CTNNBL1: variants seen among roughly 807,000 people sequenced by gnomAD.
CTNNBL1 encodes the protein catenin beta like 1, also known as beta-catenin-like protein 1.
CTNNBL1 carries 31 observed loss-of-function variants against 72.7 expected under a neutral mutation model. The observed-to-expected ratio is 0.43, with a 90% CI of 0.32 to 0.58. The LOEUF (loss-of-function observed/expected upper bound fraction) is 0.58, where lower values mean the gene tolerates loss of function less well. CTNNBL1 is among the 20% of genes least tolerant of loss of function. CTNNBL1 has a pLI of 0.08. For synonymous variants in CTNNBL1, 240 were observed against 267.3 expected, an observed-to-expected ratio of 0.90 and a Z score of 1.00; for missense variants, 534 against 725.1, an observed-to-expected ratio of 0.74 and a Z score of 3.03.
chr20:37,840,191 A>G lies in CTNNBL1; in HGVS notation c.1303A>G (p.Ser435Gly). Residue 435 changes from serine (S) to glycine (G), a missense_variant, in exon 12 of 16, where the codon AGT becomes GGT. Ser to Gly is a moderately conservative substitution (Grantham distance 56, BLOSUM62 0). Coordinates refer to ENST00000361383, the MANE Select transcript of CTNNBL1 (RefSeq NM_030877.5). The part of the protein sequence containing the change: ...RLLNKFTEND[S>G]EKVDRLMELH... ...TCTGAATAAATTCACTGAAAATGACAGTGAGAAGGTGGGTGACTGTTGGAC... is the reference window on the plus strand; with the variant it reads ...TCTGAATAAATTCACTGAAAATGACGGTGAGAAGGTGGGTGACTGTTGGAC... The G allele has an allele frequency of 6.2e-7, 1 of 1,611,532 alleles. No individual in the cohort carries two copies. The highest frequency in any genetic ancestry group is 8.5e-7 in the Non-Finnish European group (1 of 1,178,036).
intron 4 of CTNNBL1, chr20:37,751,033 T>C (rs926235898): frequency 3.9e-5 from 6 of 151,998 alleles, no homozygotes; most frequent in Non-Finnish European, 7.4e-5. Context: ...ATTTTTGTAG[T>C]CTCTCCCTTT....
In CTNNBL1 at chr20:37,863,992, GC is replaced by G. The variant is rs1393197639; in HGVS notation, c.1603+3650del. ...AAGCCAGTCTGCAGCAGGGTGTGGA[GC>G]CTGTGCAGTGTGGCCTGCCTCTGGG... On this transcript the variant is annotated intron_variant, in intron 15 of 15. Coordinates refer to ENST00000361383, the MANE Select transcript of CTNNBL1 (RefSeq NM_030877.5). 1.4e-4 allele frequency among the ~76,000 whole-genome samples: 22 copies of G among 152,292 alleles called. 1 individual carries two copies. Among genetic ancestry groups the G allele is most frequent in the Non-Finnish European group, 3.2e-4 (22 of 68,016 alleles).
chr20:37,789,983 G>C (rs1207114501), intron 10 of CTNNBL1, among the ~76,000 whole-genome samples: 1 of 152,176 alleles, frequency 6.6e-6, no homozygotes, highest in Admixed American at 6.5e-5. Context: ...GTTATTAACT[G>C]TAAAGGCAAA....
At chr20:37,756,745 C>G (rs1297038363) in intron 4 of CTNNBL1, among the ~76,000 whole-genome samples, 1 of 151,242 alleles carries the variant, frequency 6.6e-6, no homozygotes, top group Non-Finnish European at 1.5e-5. Context: ...TCAAGCAAGC[C>G]TCCCACCTTA....
At position 37,694,134 on chromosome 20, in the gene CTNNBL1, C is replaced by T; in HGVS notation, c.12C>T (p.Gly4=). Residue 4 remains glycine (G), a synonymous_variant, in exon 1 of 16, where the codon GGC becomes GGT. Transcript: ENST00000361383. ...CTGGGCCGGGTACCATGGACGTGGG[C>T]GAACTTCTGAGCTACCAGGTATGAG... MDV[G]ELLSYQPNRG... is the part of the protein sequence containing the mutation. The T allele has an allele frequency of 2.5e-6, 4 of 1,602,142 alleles. No individual in the cohort carries two copies. The highest frequency in any genetic ancestry group is 2.3e-5 in the East Asian group (1 of 43,048).
Position 37,748,502 on chromosome 20 carries a change from C to CTAGG in CTNNBL1, c.466+1896_466+1899dup, listed in dbSNP as rs1246902690. 3.3e-5 allele frequency among the ~76,000 whole-genome samples: 5 copies of CTAGG among 152,288 alleles called. No homozygotes were observed. The Middle Eastern group carries it at 0.014, about 414-fold the overall frequency. On this transcript the variant is annotated intron_variant, in intron 4 of 15. Coordinates refer to ENST00000361383, the MANE Select transcript of CTNNBL1 (RefSeq NM_030877.5). The stretch of plus-strand genomic sequence containing the variant: ...TGCTCATGATGTACCAGGCACTGTG[C>CTAGG]TAGGCCCTTAGGAACCATAAGCTGT...
At chr20:37,799,308 G>T (rs1340026310) in intron 10 of CTNNBL1, among the ~76,000 whole-genome samples, 1 of 152,100 alleles carries the variant, frequency 6.6e-6, no homozygotes, top group Non-Finnish European at 1.5e-5. Context: ...ATGGAGCCTG[G>T]GTTCCCTGAC....
chr20:37,862,131 C>T (rs1029444326), intron 15 of CTNNBL1, among the ~76,000 whole-genome samples: 2 of 128,886 alleles, frequency 1.6e-5, no homozygotes, highest in Non-Finnish European at 3.4e-5. Context: ...TGGACACAGC[C>T]CCACTCATGC....
At chr20:37,870,648 C>T (rs1057435945) in intron 15 of CTNNBL1, among the ~76,000 whole-genome samples, 1 of 152,200 alleles carries the variant, frequency 6.6e-6, no homozygotes, top group Non-Finnish European at 1.5e-5. Context: ...CTTTCCCTGC[C>T]TTTGCTTCCC....
intron 13 of CTNNBL1, among the ~76,000 whole-genome samples, chr20:37,846,171 TAG>T (rs751754540): frequency 6.6e-6 from 1 of 152,130 alleles, no homozygotes; most frequent in Non-Finnish European, 1.5e-5. Flanking sequence ...CATCTAAGGC[TAG>T]AGTCACCCTA....
At chr20:37,818,013 A>G (rs1260519604) in intron 11 of CTNNBL1, among the ~76,000 whole-genome samples, 1 of 152,228 alleles carries the variant, frequency 6.6e-6, no homozygotes, top group Non-Finnish European at 1.5e-5. Flanking sequence ...TTAAGCTTTA[A>G]GATGAAAGAA....
intron 11 of CTNNBL1, among the ~76,000 whole-genome samples, chr20:37,810,024 GT>G (rs879512526): frequency 2.7e-4 from 40 of 148,958 alleles, no homozygotes; most frequent in African/African-American, 5.4e-4. Context: ...TCAATACATG[GT>G]TTTTTTTTTA....
intron 7 of CTNNBL1, among the ~76,000 whole-genome samples, chr20:37,773,708 C>T (rs1368653945): frequency 6.6e-6 from 1 of 152,082 alleles, no homozygotes; most frequent in African/African-American, 2.4e-5. Context: ...GATTACTTTC[C>T]TTTCTTCCCA....
intron 2 of CTNNBL1, among the ~76,000 whole-genome samples, chr20:37,737,005 C>T (rs949715882): frequency 2.0e-5 from 3 of 151,896 alleles, no homozygotes; most frequent in Admixed American, 6.6e-5. Context: ...GGGCAGATCA[C>T]GAGGTCAGGA....
At chr20:37,826,925 A>T (rs909388972) in intron 11 of CTNNBL1, among the ~76,000 whole-genome samples, 1 of 152,250 alleles carries the variant, frequency 6.6e-6, no homozygotes, top group African/African-American at 2.4e-5. Context: ...TTGAGTGATG[A>T]TAAATACAAA....
At chr20:37,831,517 C>CTGTAGCTGGG (rs2072209854) in intron 11 of CTNNBL1, among the ~76,000 whole-genome samples, 1 of 152,114 alleles carries the variant, frequency 6.6e-6, no homozygotes, top group Admixed American at 6.5e-5. Flanking sequence ...AGGTGCCCGC[C>CTGTAGCTGGG]ACCACGCCCA....
intron 4 of CTNNBL1, among the ~76,000 whole-genome samples, chr20:37,748,223 G>T (rs1265442678): frequency 6.6e-6 from 1 of 152,160 alleles, no homozygotes; most frequent in Non-Finnish European, 1.5e-5. Flanking sequence ...TTCTTGCCTG[G>T]CTGATAATTC....
intron 1 of CTNNBL1, among the ~76,000 whole-genome samples, chr20:37,727,822 T>G (rs973169008): frequency 6.6e-6 from 1 of 152,204 alleles, no homozygotes; most frequent in African/African-American, 2.4e-5. Flanking sequence ...TCAAGAGCCC[T>G]TTGGCTTCCC....
intron 15 of CTNNBL1, among the ~76,000 whole-genome samples, chr20:37,864,092 G>A (rs1265318086): frequency 6.6e-6 from 1 of 152,066 alleles, no homozygotes; most frequent in East Asian, 1.9e-4. Flanking sequence ...TGCTGAGGTT[G>A]ACAAGGTTGA....
Sources: allele counts gnomAD v4.1 joint callset (sites outside exome capture counted in the v4.1 genomes callset), GRCh38; gene constraint gnomAD v4.1.1; transcripts MANE v1.5; gene names NCBI Gene and HGNC (gene_info 2026-07-23, HGNC 2026-07-21).